Variants in CNKSR3 observed in about 807,000 individuals in gnomAD.
CNKSR3 encodes the protein connector enhancer of kinase suppressor of ras 3.
CNKSR3 carries 36 observed loss-of-function variants against 67.7 expected under a neutral mutation model. The observed-to-expected ratio is 0.53, with a 90% CI of 0.41 to 0.70. The LOEUF is 0.70. CNKSR3 is among the 30% of genes least tolerant of loss of function. The pLI, the probability that CNKSR3 is intolerant of heterozygous loss-of-function variation, is 0.00. For synonymous variants in CNKSR3, 281 were observed against 271.4 expected (o/e 1.04, Z -0.35); for missense variants, 630 against 695.2 (o/e 0.91, Z 1.05).
chr6:154,488,316 C>T lies in CNKSR3; in HGVS notation c.52+21747G>A, dbSNP rs529544301. 1.4e-3 allele frequency among the ~76,000 whole-genome samples: 212 copies of T among 152,304 alleles called. 1 individual carries two copies. Among genetic ancestry groups the T allele is most frequent in the Admixed American group, 5.8e-3 (88 of 15,294 alleles). On this transcript the variant is annotated intron_variant, in intron 1 of 12. Coordinates refer to ENST00000607772, the MANE Select transcript of CNKSR3 (RefSeq NM_173515.4). ...GGAAGTCTACCACAGTTTCATTTAA[C>T]AAGGCAGATTCTTCTTAGATTTCTT...
At chr6:154,465,951 T>C (rs1018803631) in intron 1 of CNKSR3, among the ~76,000 whole-genome samples, 1 of 152,236 alleles carries the variant, frequency 6.6e-6, no homozygotes, top group Non-Finnish European at 1.5e-5. Context: ...TGTTTGAATG[T>C]ATCTCTAGAA....
chr6:154,456,923 G>C (rs1297721274), intron 1 of CNKSR3, among the ~76,000 whole-genome samples: 2 of 151,984 alleles, frequency 1.3e-5, no homozygotes, highest in African/African-American at 4.8e-5. Flanking sequence ...TCAGGGGTAG[G>C]TCAGCTTATT....
At chr6:154,449,375 T>A (rs1435030573) in intron 2 of CNKSR3, among the ~76,000 whole-genome samples, 1 of 152,208 alleles carries the variant, frequency 6.6e-6, no homozygotes, top group African/African-American at 2.4e-5. Flanking sequence ...CAGGCTAGAG[T>A]GCAGTGGTGC....
rs368107025 is a variant in CNKSR3, at chr6:154,422,618, A to C, written c.833T>G (p.Leu278Trp). The change falls in exon 9 of 13, where the codon TTG (leucine) becomes TGG (tryptophan). Residue 278 changes from leucine (L) to tryptophan (W), a missense_variant. Coordinates refer to ENST00000607772, the MANE Select transcript of CNKSR3 (RefSeq NM_173515.4). ...CACAACTCCGGTGGGATTCTCTCTCAATTTCTTCACCAGATTTTTCAGCTG... is the reference window on the plus strand; with the variant it reads ...CACAACTCCGGTGGGATTCTCTCTCCATTTCTTCACCAGATTTTTCAGCTG... Reference protein sequence around the residue: ...GWQLKNLVKKLRENPTGVVLL... With the variant: ...GWQLKNLVKKWRENPTGVVLL... 5 of 1,613,640 alleles carry C rather than the reference A, an allele frequency of 3.1e-6. No individual in the cohort carries two copies. The highest frequency in any genetic ancestry group is 1.1e-5 in the South Asian group (1 of 91,050).
intron 1 of CNKSR3, among the ~76,000 whole-genome samples, chr6:154,483,605 G>A (rs550413294): frequency 1.3e-4 from 19 of 151,302 alleles, no homozygotes; most frequent in Non-Finnish European, 1.9e-4. Flanking sequence ...TGTGGAGCAT[G>A]GCCAACCCCT....
intron 6 of CNKSR3, 116 bp downstream of exon 6, chr6:154,430,356 T>G (rs1785339003): frequency 1.1e-6 from 1 of 876,270 alleles, no homozygotes; most frequent in South Asian, 1.9e-5. Context: ...TGGAAGGCAG[T>G]CTAAATTAAT....
chr6:154,421,006 T>G (rs1035217367), intron 9 of CNKSR3, among the ~76,000 whole-genome samples: 3 of 152,176 alleles, frequency 2.0e-5, no homozygotes, highest in Non-Finnish European at 4.4e-5. Flanking sequence ...AGTTTTTGTT[T>G]GTTGGTTGGT....
In CNKSR3 at chr6:154,422,956, G is replaced by GA; in HGVS notation, c.756dup (p.His253SerfsTer4). ...ACTTGAATGACTTCGTCACCAGCAT[G>GA]AATCTTCTGAGATCTGTCTGCAGGA... On this transcript the variant is annotated frameshift_variant, in exon 8 of 13. Transcript: ENST00000607772. LOFTEE classifies it high-confidence loss of function. 6.2e-7 allele frequency: 1 copy of GA among 1,612,954 alleles called. No individual in the cohort carries two copies.
intron 1 of CNKSR3, among the ~76,000 whole-genome samples, chr6:154,464,354 T>A (rs2114617715): frequency 6.6e-6 from 1 of 152,068 alleles, no homozygotes; most frequent in South Asian, 2.1e-4. Flanking sequence ...GGAAAAAAAA[T>A]TCTACTCTCG....
chr6:154,492,020 A>G (rs879703709), intron 1 of CNKSR3, among the ~76,000 whole-genome samples: 1 of 152,120 alleles, frequency 6.6e-6, no homozygotes, highest in Non-Finnish European at 1.5e-5. Flanking sequence ...TTTACTCATC[A>G]GCTGTGTGTC....
chr6:154,446,107 A>G (rs1238920772), intron 2 of CNKSR3, among the ~76,000 whole-genome samples: 2 of 152,252 alleles, frequency 1.3e-5, no homozygotes, highest in Non-Finnish European at 2.9e-5. Context: ...AAGTAACACA[A>G]TGAGTTTCTG....
chr6:154,420,837 AT>A (rs533405477), intron 9 of CNKSR3, among the ~76,000 whole-genome samples: 244 of 152,348 alleles, frequency 1.6e-3, no homozygotes, highest in African/African-American at 5.4e-3. Flanking sequence ...TGATTTAGCC[AT>A]TCCAAAATGT....
intron 9 of CNKSR3, among the ~76,000 whole-genome samples, chr6:154,419,810 T>C (rs1785101542): frequency 6.6e-6 from 1 of 152,192 alleles, no homozygotes; most frequent in Non-Finnish European, 1.5e-5. Context: ...TGGGGCATGG[T>C]GGCTCACGCC....
At chr6:154,445,060 A>G (rs994447337) in intron 2 of CNKSR3, among the ~76,000 whole-genome samples, 4 of 152,166 alleles carry the variant, frequency 2.6e-5, no homozygotes, top group African/African-American at 9.6e-5. Context: ...AAAAACAACA[A>G]CAAAAGGCTT....
chr6:154,457,028 A>G (rs915137106), intron 1 of CNKSR3, among the ~76,000 whole-genome samples: 2 of 152,160 alleles, frequency 1.3e-5, no homozygotes, highest in Non-Finnish European at 2.9e-5. Flanking sequence ...GAAAAACATT[A>G]AATGGTAAAG....
Position 154,509,962 on chromosome 6 carries a change from G to A in CNKSR3, c.52+101C>T, listed in dbSNP as rs796800839. The A allele has an allele frequency of 1.6e-4, 213 of 1,317,876 alleles. 1 individual carries two copies. In the South Asian group the frequency reaches 2.3e-3, roughly 14 times the overall value. The allele number at this position is 1,317,876 out of a possible 1,614,324, so 81.6% of individuals were successfully genotyped here. A position where few individuals can be genotyped will look rare whatever the true frequency, so the allele number is the denominator to read the frequency against. ...ATTGTCACCGGGCTGTGCCCTCACC[G>A]CTTCTCGCCGGGAGGAAGGGCCAAG... On this transcript the variant is annotated intron_variant, in intron 1 of 12. Transcript: ENST00000607772.
rs1373238946 is a variant in CNKSR3 at position 154,406,714 on chromosome 6, A to T, written c.1370-62T>A. 2.7e-6 allele frequency: 4 copies of T among 1,456,216 alleles called. No individual in the cohort carries two copies. The African/African-American group carries it at 4.2e-5, about 15-fold the overall frequency. 90.2% of individuals were successfully genotyped at this position (1,456,216 alleles called of 1,614,324 possible). ...GCCGGGCGTGGTGGCTCACACCTGT[A>T]ATCTCCGCACTTTGGGAGGTCGAGG... On this transcript the variant is annotated intron_variant, in intron 12 of 12. Coordinates refer to ENST00000607772, the MANE Select transcript of CNKSR3 (RefSeq NM_173515.4).
chr6:154,490,050 C>T (rs538530998), intron 1 of CNKSR3, among the ~76,000 whole-genome samples: 1 of 152,280 alleles, frequency 6.6e-6, no homozygotes, highest in Non-Finnish European at 1.5e-5. Context: ...GCCCAAACTC[C>T]CATCTCTTTT....
At chr6:154,457,574 G>A (rs556603099) in intron 1 of CNKSR3, among the ~76,000 whole-genome samples, 24 of 152,174 alleles carry the variant, frequency 1.6e-4, no homozygotes, top group Admixed American at 1.1e-3. Flanking sequence ...GCAAACAGCC[G>A]GGCGTGGTGG....
Sources: allele counts gnomAD v4.1 joint callset (sites outside exome capture counted in the v4.1 genomes callset), GRCh38; gene constraint gnomAD v4.1.1; transcripts MANE v1.5; gene names NCBI Gene and HGNC (gene_info 2026-07-23, HGNC 2026-07-21).